Variants in FTO observed in about 807,000 individuals in gnomAD.
FTO encodes the protein FTO alpha-ketoglutarate dependent dioxygenase.
A neutral mutation model predicts 63.9 loss-of-function variants in FTO; 47 were observed. That is an observed-to-expected ratio of 0.74 (90% CI 0.58 to 0.94). The LOEUF (loss-of-function observed/expected upper bound fraction) is 0.94, where lower values mean the gene tolerates loss of function less well. FTO is among the 40% of genes least tolerant of loss of function. The pLI, the probability that FTO is intolerant of heterozygous loss-of-function variation, is 0.00. For missense variants in FTO, 562 were observed against 618.1 expected (o/e 0.91, Z 0.96); for synonymous variants, 207 against 224.4 (o/e 0.92, Z 0.69).
chr16:53,806,270 A>T (rs139858155), intron 1 of FTO, among the ~76,000 whole-genome samples: 1 of 152,222 alleles, frequency 6.6e-6, no homozygotes, highest in Non-Finnish European at 1.5e-5. Flanking sequence ...ACTGAATTTC[A>T]TGTGAGGAAT....
At chr16:53,815,224 A>G (rs2078641660) in intron 2 of FTO, among the ~76,000 whole-genome samples, 1 of 152,174 alleles carries the variant, frequency 6.6e-6, no homozygotes, top group Admixed American at 6.5e-5. Flanking sequence ...GATGTCACTT[A>G]CATTTTAATA....
intron 7 of FTO, among the ~76,000 whole-genome samples, chr16:53,895,834 A>G (rs1039236210): frequency 1.3e-5 from 2 of 152,158 alleles, no homozygotes; most frequent in African/African-American, 4.8e-5. Flanking sequence ...TGCTGAGACA[A>G]AGTGACAGGA....
chr16:53,780,243 A>T (rs2151654296), intron 1 of FTO, among the ~76,000 whole-genome samples: 1 of 152,026 alleles, frequency 6.6e-6, no homozygotes, highest in East Asian at 1.9e-4. Context: ...CTGTCCCTGG[A>T]AGCCACCAGA....
intron 1 of FTO, among the ~76,000 whole-genome samples, chr16:53,783,613 A>AAAAC (rs2077649558): frequency 6.7e-6 from 1 of 149,456 alleles, no homozygotes; most frequent in African/African-American, 2.5e-5. Flanking sequence ...ATAAAAAAAA[A>AAAAC]AAAAAAAAAA....
At chr16:53,719,885 A>G (rs2075996206) in intron 1 of FTO, among the ~76,000 whole-genome samples, 1 of 152,044 alleles carries the variant, frequency 6.6e-6, no homozygotes, top group African/African-American at 2.4e-5. Flanking sequence ...CTTATTCAGT[A>G]TTCTAATGAT....
intron 8 of FTO, among the ~76,000 whole-genome samples, chr16:53,982,300 GC>G (rs2083564938): frequency 6.6e-6 from 1 of 152,118 alleles, no homozygotes; most frequent in South Asian, 2.1e-4. Context: ...TCTTTTGTCT[GC>G]CCATGTTTGT....
chr16:53,737,293 T>C (rs967157999), intron 1 of FTO, among the ~76,000 whole-genome samples: 3 of 152,244 alleles, frequency 2.0e-5, no homozygotes, highest in Admixed American at 2.0e-4. Flanking sequence ...AATCATGCAT[T>C]GCTTAATGAC....
At chr16:53,894,725 T>G (rs1001051306) in intron 7 of FTO, among the ~76,000 whole-genome samples, 2 of 152,096 alleles carry the variant, frequency 1.3e-5, no homozygotes, top group African/African-American at 2.4e-5. Context: ...CAGTCTCCCA[T>G]TTTTCAGGGT....
At chr16:54,075,102 C>T (rs1006375430) in intron 8 of FTO, among the ~76,000 whole-genome samples, 2 of 152,078 alleles carry the variant, frequency 1.3e-5, no homozygotes, top group African/African-American at 2.4e-5. Flanking sequence ...TTGTTCATGT[C>T]GTTTGCCCAT....
intron 8 of FTO, among the ~76,000 whole-genome samples, chr16:53,989,818 A>G (rs1182788437): frequency 6.6e-6 from 1 of 150,982 alleles, no homozygotes; most frequent in Non-Finnish European, 1.5e-5. Flanking sequence ...AGACAGCAAG[A>G]CCCACCCCTC....
At chr16:54,002,507 G>T (rs2084091922) in intron 8 of FTO, among the ~76,000 whole-genome samples, 1 of 152,176 alleles carries the variant, frequency 6.6e-6, no homozygotes, top group Non-Finnish European at 1.5e-5. Flanking sequence ...CCTAGCACCT[G>T]CCCAACCTTC....
At chr16:54,097,193 T>A (rs932093764) in intron 8 of FTO, among the ~76,000 whole-genome samples, 3 of 152,202 alleles carry the variant, frequency 2.0e-5, no homozygotes, top group Non-Finnish European at 4.4e-5. Context: ...TAAGTAATGA[T>A]GGCCAGAAAG....
chr16:53,780,596 C>A (rs1467472503), intron 1 of FTO, among the ~76,000 whole-genome samples: 2 of 152,198 alleles, frequency 1.3e-5, no homozygotes, highest in East Asian at 3.9e-4. Context: ...TCTTGAACTC[C>A]TGACCTCAGG....
intron 8 of FTO, among the ~76,000 whole-genome samples, chr16:53,945,195 G>A (rs920738964): frequency 1.6e-4 from 25 of 152,330 alleles, no homozygotes; most frequent in African/African-American, 5.3e-4. Flanking sequence ...CCCGGGAGCA[G>A]GGAAAAGTGG....
intron 8 of FTO, among the ~76,000 whole-genome samples, chr16:53,973,696 AT>A (rs569851767): frequency 9.5e-4 from 145 of 152,280 alleles, no homozygotes; most frequent in African/African-American, 3.3e-3. Context: ...AGTATAAAAA[AT>A]GAATGAGAAG....
chr16:53,944,148 C>T (rs924843796), intron 8 of FTO, among the ~76,000 whole-genome samples: 2 of 152,110 alleles, frequency 1.3e-5, no homozygotes, highest in African/African-American at 4.8e-5. Flanking sequence ...TTCTTAAGTG[C>T]CTACCTGGTA....
chr16:53,892,495 A>G (rs182849876), intron 7 of FTO, among the ~76,000 whole-genome samples: 144 of 152,292 alleles, frequency 9.5e-4, no homozygotes, highest in Non-Finnish European at 1.4e-3. Context: ...ACTAATCCAA[A>G]TGGAATTTCT....
intron 8 of FTO, among the ~76,000 whole-genome samples, chr16:54,029,803 C>A (rs62034079): frequency 2.0e-5 from 3 of 152,108 alleles, no homozygotes; most frequent in Non-Finnish European, 1.5e-5. Context: ...GTGCCACAGA[C>A]TTCCTCAGTT....
intron 8 of FTO, among the ~76,000 whole-genome samples, chr16:54,072,698 G>A (rs1375971882): frequency 6.6e-6 from 1 of 152,110 alleles, no homozygotes; most frequent in Non-Finnish European, 1.5e-5. Flanking sequence ...CTTTCCCCAG[G>A]CTGTAGTTTT....
Sources: gnomAD v4.1 joint callset for allele counts (sites outside exome capture counted in the v4.1 genomes callset) on GRCh38, gnomAD v4.1.1 for gene constraint, MANE v1.5 for transcripts, NCBI Gene and HGNC (gene_info 2026-07-23, HGNC 2026-07-21) for gene names.